DEPDC5: variants seen among roughly 807,000 people sequenced by gnomAD.
The protein encoded by DEPDC5 is GATOR1 complex protein DEPDC5.
In DEPDC5, 73 loss-of-function variants were observed where a neutral mutation model predicts 217.3. That is an observed-to-expected ratio of 0.34 (90% CI 0.28 to 0.41). The LOEUF (loss-of-function observed/expected upper bound fraction) is 0.41. Among genes scored for constraint, DEPDC5 ranks in the 10% least tolerant of loss-of-function variants. The pLI, the probability that DEPDC5 is intolerant of heterozygous loss-of-function variation, is 1.00. For synonymous variants in DEPDC5, 733 were observed against 756.7 expected, an observed-to-expected ratio of 0.97 and a Z score of 0.51; for missense variants, 1,675 against 2,070.1, an observed-to-expected ratio of 0.81 and a Z score of 3.70.
At chr22:31,837,474 C>T (rs2091097969) in intron 26 of DEPDC5, 1 of 412,664 alleles carries the variant, frequency 2.4e-6, no homozygotes, top group African/African-American at 2.1e-5. Context: ...CCTCAGCCTC[C>T]TAAGTAGCTA....
At chr22:31,813,524 A>G (rs1171852073) in intron 20 of DEPDC5, among the ~76,000 whole-genome samples, 1 of 152,142 alleles carries the variant, frequency 6.6e-6, no homozygotes, top group Non-Finnish European at 1.5e-5. Context: ...TCCAGGAGGA[A>G]AGGGAGCAGC....
chr22:31,862,793 T>C (rs910923721), intron 33 of DEPDC5, among the ~76,000 whole-genome samples: 1 of 152,192 alleles, frequency 6.6e-6, no homozygotes, highest in East Asian at 1.9e-4. Context: ...TGTGTAACCA[T>C]AGGCAAATCC....
chr22:31,799,465 T>C (rs2086622443), intron 14 of DEPDC5, among the ~76,000 whole-genome samples: 1 of 151,298 alleles, frequency 6.6e-6, no homozygotes. Flanking sequence ...CTGCATTAGG[T>C]ATTTCTCTTA....
At chr22:31,783,564 A>G (rs1231377702) in intron 8 of DEPDC5, among the ~76,000 whole-genome samples, 1 of 152,144 alleles carries the variant, frequency 6.6e-6, no homozygotes, top group Non-Finnish European at 1.5e-5. Context: ...GAGAGGCTGA[A>G]GTGGGAAGAT....
At chr22:31,887,927 G>A (rs945048689) in intron 38 of DEPDC5, among the ~76,000 whole-genome samples, 1 of 152,154 alleles carries the variant, frequency 6.6e-6, no homozygotes, top group Non-Finnish European at 1.5e-5. Flanking sequence ...AAAATAACAT[G>A]ATTTATAGGG....
intron 38 of DEPDC5, among the ~76,000 whole-genome samples, chr22:31,882,372 A>G (rs1225253893): frequency 6.6e-6 from 1 of 152,256 alleles, no homozygotes; most frequent in Admixed American, 6.5e-5. Context: ...TTTCTGAGAA[A>G]AAGACACAAT....
intron 7 of DEPDC5, among the ~76,000 whole-genome samples, chr22:31,770,800 T>TC (rs1405573414): frequency 6.7e-6 from 1 of 149,808 alleles, no homozygotes; most frequent in East Asian, 2.0e-4. Flanking sequence ...TCTTTTTTTT[T>TC]TTTTTTTTTG....
intron 31 of DEPDC5, among the ~76,000 whole-genome samples, chr22:31,850,247 A>C (rs996561392): frequency 2.6e-5 from 4 of 151,922 alleles, no homozygotes; most frequent in African/African-American, 9.7e-5. Flanking sequence ...ATGACATGAT[A>C]CATGATGTTA....
chr22:31,879,300 C>T (rs1281451634), intron 37 of DEPDC5, among the ~76,000 whole-genome samples: 1 of 151,772 alleles, frequency 6.6e-6, no homozygotes, highest in East Asian at 1.9e-4. Flanking sequence ...TGAGGAGTCA[C>T]CTTCCAACTC....
Position 31,798,671 on chromosome 22 carries a change from C to T in DEPDC5, c.946+15C>T, listed in dbSNP as rs780920916. 2.3e-5 allele frequency: 37 copies of T among 1,607,400 alleles called. No individual in the cohort carries two copies. The Admixed American group carries it at 2.8e-4, about 12-fold the overall frequency. On this transcript the variant is annotated intron_variant, in intron 14 of 42. Transcript: ENST00000651528. Reference sequence around the variant, plus strand: ...GTCATTCAATGGTGAGTAAGGATGCCGGCCATGAGCCAGCATCTTGCCTAC... The same window carrying T: ...GTCATTCAATGGTGAGTAAGGATGCTGGCCATGAGCCAGCATCTTGCCTAC...
At chr22:31,862,849 G>A (rs1173248142) in intron 33 of DEPDC5, among the ~76,000 whole-genome samples, 1 of 152,192 alleles carries the variant, frequency 6.6e-6, no homozygotes. Context: ...TAAAATCTGA[G>A]TGTGGGTAGC....
chr22:31,871,065 C>G (rs765625713), intron 34 of DEPDC5, among the ~76,000 whole-genome samples: 5 of 152,198 alleles, frequency 3.3e-5, no homozygotes, highest in Admixed American at 6.5e-5. Flanking sequence ...CAATGTCTTG[C>G]ACGTCATAGC....
intron 37 of DEPDC5, among the ~76,000 whole-genome samples, chr22:31,878,906 G>T (rs1472736432): frequency 1.3e-5 from 2 of 150,968 alleles, no homozygotes; most frequent in Admixed American, 6.6e-5. Context: ...GCGTGGTGGC[G>T]CATGTTGCTA....
intron 24 of DEPDC5, chr22:31,826,470 C>A: frequency 2.3e-6 from 1 of 431,736 alleles, no homozygotes; most frequent in Admixed American, 2.6e-5. Flanking sequence ...CCTCGTGTTC[C>A]TTTGCATAGA....
chr22:31,857,491 G>C lies in DEPDC5; in HGVS notation c.3202G>C (p.Ala1068Pro), dbSNP rs763158282. The C allele has an allele frequency of 6.2e-7, 1 of 1,612,110 alleles. No homozygotes were observed. The highest frequency in any genetic ancestry group is 1.7e-4 in the Middle Eastern group (1 of 6,052). The change falls in exon 32 of 43, where the codon GCC (alanine) becomes CCC (proline). Residue 1068 changes from alanine (A) to proline (P), a missense_variant. This residue lies in a region of DEPDC5 where 126 missense variants were observed against 113.8 expected (regional missense o/e 1.11). Transcript: ENST00000651528. ...QAAVHGGKSS[A>P]QSAESSSVAM... ...AGCTGTGCATGGTGGGAAGAGCTCC[G>C]CCCAGTCAGCCGAGAGCAGCAGCGT...
intron 33 of DEPDC5, among the ~76,000 whole-genome samples, chr22:31,861,956 G>A (rs115247265): frequency 0.023 from 3,458 of 152,266 alleles, 122 homozygotes; most frequent in African/African-American, 0.073. Flanking sequence ...AGATTTGGAT[G>A]AGCCGGGTGC....
chr22:31,897,760 C>A, intron 40 of DEPDC5, 107 bp downstream of exon 40: 1 of 1,355,168 alleles, frequency 7.4e-7, no homozygotes, highest in East Asian at 2.3e-5. Flanking sequence ...AAAGGGACAG[C>A]CTTTCAACAA....
At position 31,906,466 on chromosome 22, in the gene DEPDC5, G is replaced by T; in HGVS notation, c.4781G>T (p.Cys1594Phe). Residue 1594 changes from cysteine to phenylalanine, a missense_variant, in exon 43 of 43, where the codon TGC becomes TTC. This residue lies in a region of DEPDC5 where 49 missense variants were observed against 74.7 expected (regional missense o/e 0.66). Coordinates refer to ENST00000651528, the MANE Select transcript of DEPDC5 (RefSeq NM_001242896.3). The surrounding 1 kb of genome is among the most constrained non-coding windows in gnomAD (Gnocchi z 5.1). Reference sequence around the variant, plus strand: ...CGGCTGGTCACGTTCTGGACAAGTTGCCTGGAGAAGATGCATGCCAGTGCC... The same window carrying T: ...CGGCTGGTCACGTTCTGGACAAGTTTCCTGGAGAAGATGCATGCCAGTGCC... ...DNRLVTFWTS[C>F]LEKMHASAP is the part of the protein sequence containing the mutation. 6.2e-7 allele frequency: 1 copy of T among 1,613,860 alleles called. No homozygotes were observed. The highest frequency in any genetic ancestry group is 8.5e-7 in the Non-Finnish European group (1 of 1,180,000).
chr22:31,823,439 A>G (rs2089884396), intron 24 of DEPDC5, among the ~76,000 whole-genome samples: 1 of 151,270 alleles, frequency 6.6e-6, no homozygotes. Context: ...AGGCTGAAGC[A>G]GGAGAATCTC....
Sources: allele counts gnomAD v4.1 joint callset (sites outside exome capture counted in the v4.1 genomes callset), GRCh38; gene constraint gnomAD v4.1.1; regional missense constraint gnomAD v4.1.1; non-coding constraint Gnocchi (gnomAD v3.1); transcripts MANE v1.5; gene names NCBI Gene and HGNC (gene_info 2026-07-23, HGNC 2026-07-21).